The following GDA variants were observed in gnomAD, a reference collection of about 807,000 sequenced individuals.
GDA encodes cytoplasmic PSD-95 interactor.
GDA carries 18 observed loss-of-function variants against 59.6 expected under a neutral mutation model. The observed-to-expected ratio is 0.30, with a 90% CI of 0.21 to 0.45. The LOEUF is 0.45. Ranked by LOEUF, GDA falls within the 20% of genes least tolerant of loss-of-function variation. The pLI is 1.00. For missense variants in GDA, 427 were observed against 552.3 expected, an observed-to-expected ratio of 0.77 and a Z score of 2.27; for synonymous variants, 201 against 201.1, an observed-to-expected ratio of 1.00 and a Z score of 0.00.
chr9:72,130,562 T>C (rs1825992274), intron 1 of GDA, among the ~76,000 whole-genome samples: 1 of 152,226 alleles, frequency 6.6e-6, no homozygotes, highest in Non-Finnish European at 1.5e-5. Flanking sequence ...AATGTATTAG[T>C]GGCCAAACTC....
Position 72,217,943 on chromosome 9 carries a change from T to G in GDA, c.579-1536T>G, listed in dbSNP as rs114958437. ...TTTTATTTTTTTTTTAGATGGAGTC[T>G]TCTTCTGTAGCCCAGGCTGGAGTGC... On this transcript the variant is annotated intron_variant, in intron 5 of 13. Transcript: ENST00000358399. Among the ~76,000 whole-genome samples the G allele has an allele frequency of 8.5e-3, 1,301 of 152,246 alleles. 18 individuals carry two copies. Among genetic ancestry groups the G allele is most frequent in the African/African-American group, 0.03 (1,237 of 41,538 alleles).
chr9:72,171,111 A>T (rs944379226), intron 1 of GDA, among the ~76,000 whole-genome samples: 1 of 152,028 alleles, frequency 6.6e-6, no homozygotes, highest in Admixed American at 6.6e-5. Context: ...GCCACCATCC[A>T]CCGTGCTCTG....
chr9:72,216,058 A>T (rs796646632), intron 5 of GDA, among the ~76,000 whole-genome samples: 39 of 152,348 alleles, frequency 2.6e-4, no homozygotes, highest in African/African-American at 8.9e-4. Context: ...TATTATGCAC[A>T]GATAGGTAGC....
At chr9:72,138,924 AG>A (rs1487214304) in intron 1 of GDA, among the ~76,000 whole-genome samples, 1 of 152,242 alleles carries the variant, frequency 6.6e-6, no homozygotes, top group African/African-American at 2.4e-5. Context: ...TTAATTGACT[AG>A]GGAAAGAGAA....
At chr9:72,147,075 A>C (rs1037077453), upstream of GDA, among the ~76,000 whole-genome samples, 1 of 152,180 alleles carries the variant, frequency 6.6e-6, no homozygotes, top group Non-Finnish European at 1.5e-5. Context: ...ATCAAAACAA[A>C]ATTCTCTACC....
At chr9:72,211,576 G>T (rs1251411447) in intron 4 of GDA, among the ~76,000 whole-genome samples, 1 of 152,202 alleles carries the variant, frequency 6.6e-6, no homozygotes, top group African/African-American at 2.4e-5. Context: ...GACCTAATGG[G>T]TGACTCTGAA....
At position 72,248,525 on chromosome 9, in the gene GDA, T is replaced by C. The variant is rs1587813405; in HGVS notation, c.*183T>C. On this transcript the variant is annotated 3_prime_UTR_variant, in exon 14 of 14. Coordinates refer to ENST00000358399, the MANE Select transcript of GDA (RefSeq NM_004293.5). The stretch of plus-strand genomic sequence containing the variant: ...AGGAAGTTGCACTAATTCTCAACTC[T>C]GGTTGAGAGGGTTCATAAATTTCAT... The C allele has an allele frequency of 1.4e-6, 2 of 1,391,296 alleles. No homozygotes were observed. Among genetic ancestry groups the C allele is most frequent in the African/African-American group, 3.1e-5 (2 of 64,938 alleles). 86.2% of individuals were successfully genotyped at this position (1,391,296 alleles called of 1,614,324 possible).
chr9:72,122,778 G>A (rs1564145287), intron 1 of GDA, among the ~76,000 whole-genome samples: 1 of 152,006 alleles, frequency 6.6e-6, no homozygotes, highest in African/African-American at 2.4e-5. Flanking sequence ...CCTCCCCCAT[G>A]TCTTCAAGAT....
At chr9:72,123,223 G>A (rs1239840784) in intron 1 of GDA, among the ~76,000 whole-genome samples, 2 of 125,548 alleles carry the variant, frequency 1.6e-5, no homozygotes, top group African/African-American at 3.2e-5. Context: ...TTGCTCTGTT[G>A]CCCAGGCTGG....
Position 72,149,470 on chromosome 9 carries a change from C to A in GDA, c.-90C>A. 2.0e-6 allele frequency: 3 copies of A among 1,488,284 alleles called. No homozygotes were observed. The highest frequency in any genetic ancestry group is 2.7e-6 in the Non-Finnish European group (3 of 1,105,378). 92.2% of individuals were successfully genotyped at this position (1,488,284 alleles called of 1,614,324 possible). On this transcript the variant is annotated 5_prime_UTR_variant, in exon 1 of 14. Transcript: ENST00000358399. ...AAGGCCGGAGCCTGTGTCCGCCCGG[C>A]AGCCGCCCGCAGCTGCAGAGAGTCC...
At chr9:72,219,584 A>G (rs549984911) in intron 6 of GDA, 78 bp downstream of exon 6, 29 of 1,043,528 alleles carry the variant, frequency 2.8e-5, no homozygotes, top group African/African-American at 1.6e-5. Context: ...CTTGATAGTG[A>G]TTAGTCTGTG....
chr9:72,192,853 C>G (rs1832725493), intron 1 of GDA, among the ~76,000 whole-genome samples: 1 of 151,902 alleles, frequency 6.6e-6, no homozygotes. Flanking sequence ...GCACTGTAGC[C>G]TGGTGACAGA....
chr9:72,143,424 C>A (rs532495196), intron 1 of GDA, among the ~76,000 whole-genome samples: 2 of 152,066 alleles, frequency 1.3e-5, no homozygotes, highest in Non-Finnish European at 2.9e-5. Flanking sequence ...CCACCACACC[C>A]GGCCCAAGAA....
chr9:72,174,035 C>T (rs1587474085), intron 1 of GDA, among the ~76,000 whole-genome samples: 1 of 152,194 alleles, frequency 6.6e-6, no homozygotes, highest in East Asian at 1.9e-4. Context: ...TACCTTACAA[C>T]CATTGTTCCA....
intron 1 of GDA, among the ~76,000 whole-genome samples, chr9:72,122,078 C>T (rs1825681637): frequency 6.6e-6 from 1 of 152,198 alleles, no homozygotes; most frequent in South Asian, 2.1e-4. Flanking sequence ...ATTACAAGTA[C>T]TGTCCTGGGA....
chr9:72,178,915 A>G (rs1830848048), intron 1 of GDA, among the ~76,000 whole-genome samples: 1 of 152,162 alleles, frequency 6.6e-6, no homozygotes, highest in Non-Finnish European at 1.5e-5. Flanking sequence ...ATATTTGTAC[A>G]TATATATGGG....
chr9:72,242,528 T>G (rs1839731070), intron 11 of GDA, among the ~76,000 whole-genome samples: 1 of 151,878 alleles, frequency 6.6e-6, no homozygotes, highest in African/African-American at 2.4e-5. Context: ...AGATTTATGA[T>G]AGATACCCTG....
intron 11 of GDA, among the ~76,000 whole-genome samples, chr9:72,242,583 A>C (rs1291962670): frequency 1.3e-5 from 2 of 152,240 alleles, no homozygotes; most frequent in Admixed American, 1.3e-4. Flanking sequence ...TATCCTGGGA[A>C]GAGAAACTTC....
chr9:72,152,263 G>A (rs1013678320), intron 1 of GDA, among the ~76,000 whole-genome samples: 2 of 152,270 alleles, frequency 1.3e-5, no homozygotes, highest in South Asian at 2.1e-4. Context: ...TTCTGGTCTC[G>A]CTTTTAAACT....
Sources: allele counts gnomAD v4.1 joint callset (sites outside exome capture counted in the v4.1 genomes callset), GRCh38; gene constraint gnomAD v4.1.1; transcripts MANE v1.5; gene names NCBI Gene and HGNC (gene_info 2026-07-23, HGNC 2026-07-21).